Variants in LRP1B observed in about 807,000 individuals in gnomAD.
The protein encoded by LRP1B is low-density lipoprotein receptor-related protein 1B.
Under a neutral mutation model 556.6 loss-of-function variants are expected in LRP1B, and 217 were observed. The ratio of observed to expected loss-of-function variants is 0.39; its 90% CI spans 0.35 to 0.44. The LOEUF (loss-of-function observed/expected upper bound fraction) is 0.44, where lower values mean the gene tolerates loss of function less well. Ranked by LOEUF, LRP1B falls within the 20% of genes least tolerant of loss-of-function variation. LRP1B has a pLI of 1.00. For synonymous variants in LRP1B, 2,047 were observed against 1,865.8 expected, an observed-to-expected ratio of 1.10 and a Z score of -2.50; for missense variants, 5,053 against 5,620.8, an observed-to-expected ratio of 0.90 and a Z score of 3.23.
chr2:140,650,307 ATT>A (rs1171957297), intron 41 of LRP1B, among the ~76,000 whole-genome samples: 2 of 139,082 alleles, frequency 1.4e-5, no homozygotes, highest in Non-Finnish European at 3.1e-5. Flanking sequence ...CTTTATTTTT[ATT>A]TTTATTTATT....
At chr2:140,672,482 T>TAAAAAAAA (rs55884730) in intron 41 of LRP1B, among the ~76,000 whole-genome samples, 9 of 81,574 alleles carry the variant, frequency 1.1e-4, no homozygotes, top group African/African-American at 4.4e-4. Flanking sequence ...AGACTCCATC[T>TAAAAAAAA]AAAAAAAAAA....
At chr2:141,572,558 C>T (rs1344212201) in intron 2 of LRP1B, among the ~76,000 whole-genome samples, 1 of 152,100 alleles carries the variant, frequency 6.6e-6, no homozygotes, top group Non-Finnish European at 1.5e-5. Flanking sequence ...AGCATAATGA[C>T]AGGATCAAGT....
At chr2:141,796,551 A>G (rs1394303095) in intron 2 of LRP1B, among the ~76,000 whole-genome samples, 1 of 149,902 alleles carries the variant, frequency 6.7e-6, no homozygotes, top group Non-Finnish European at 1.5e-5. Context: ...TTCAATTTCA[A>G]TCTGAACATA....
intron 41 of LRP1B, among the ~76,000 whole-genome samples, chr2:140,655,057 C>T (rs1684830568): frequency 7.0e-6 from 1 of 141,918 alleles, no homozygotes; most frequent in Non-Finnish European, 1.6e-5. Flanking sequence ...TCTCCTAGCT[C>T]TCTAAAAATT....
chr2:141,666,544 CA>C (rs1690444378), intron 2 of LRP1B, among the ~76,000 whole-genome samples: 2 of 152,126 alleles, frequency 1.3e-5, no homozygotes, highest in African/African-American at 4.8e-5. Flanking sequence ...TTTAATCTAC[CA>C]ATATACCTCC....
At chr2:140,839,801 T>C (rs1692041493) in intron 31 of LRP1B, among the ~76,000 whole-genome samples, 190 bp downstream of exon 31, 1 of 152,214 alleles carries the variant, frequency 6.6e-6, no homozygotes. Context: ...CTATTAGTTC[T>C]GTCCCTTTAG....
chr2:142,130,823 G>T lies in LRP1B; in HGVS notation c.-94C>A. 1 of 921,632 alleles carries T rather than the reference G, an allele frequency of 1.1e-6. No homozygotes were observed. Among genetic ancestry groups the T allele is most frequent in the Non-Finnish European group, 1.7e-6 (1 of 573,854 alleles). 57.1% of individuals were successfully genotyped at this position (921,632 alleles called of 1,614,324 possible). On this transcript the variant is annotated 5_prime_UTR_variant, in exon 1 of 91. Transcript: ENST00000389484. ...CGGCGGCAGGGGCCGCTTGGAGCCTGGAATCGAGCGGCGTCATTTACAAAT... is the reference window on the plus strand; with the variant it reads ...CGGCGGCAGGGGCCGCTTGGAGCCTTGAATCGAGCGGCGTCATTTACAAAT...
chr2:140,844,111 G>C (rs1325752976), intron 29 of LRP1B, among the ~76,000 whole-genome samples: 4 of 151,732 alleles, frequency 2.6e-5, no homozygotes, highest in Admixed American at 6.6e-5. Flanking sequence ...GCCCAGGCTG[G>C]AGTGCAATGG....
intron 6 of LRP1B, among the ~76,000 whole-genome samples, chr2:141,196,807 G>A (rs560522726): frequency 1.3e-5 from 2 of 152,140 alleles, no homozygotes; most frequent in Non-Finnish European, 2.9e-5. Flanking sequence ...CCTTCGCCAT[G>A]GTTTGGGGGC....
intron 2 of LRP1B, among the ~76,000 whole-genome samples, chr2:141,593,243 A>T (rs933577979): frequency 9.9e-5 from 15 of 152,180 alleles, no homozygotes; most frequent in African/African-American, 3.4e-4. Context: ...ACCTGGACCC[A>T]TGAAAGATAA....
chr2:141,389,457 G>A (rs754361056), intron 3 of LRP1B, among the ~76,000 whole-genome samples: 6 of 152,054 alleles, frequency 3.9e-5, no homozygotes, highest in South Asian at 2.1e-4. Flanking sequence ...CACACCATAC[G>A]CAAAAATTAA....
At chr2:140,657,576 C>CATACATAT (rs1164589331) in intron 41 of LRP1B, among the ~76,000 whole-genome samples, 3 of 47,514 alleles carry the variant, frequency 6.3e-5, no homozygotes, top group African/African-American at 1.2e-4. Context: ...CACATACATA[C>CATACATAT]ATATATATAC....
intron 3 of LRP1B, among the ~76,000 whole-genome samples, chr2:141,294,713 C>A (rs1229804716): frequency 6.8e-6 from 1 of 146,770 alleles, no homozygotes; most frequent in South Asian, 2.2e-4. Flanking sequence ...GCATGCCAGC[C>A]TGGTTGACAG....
intron 18 of LRP1B, among the ~76,000 whole-genome samples, chr2:140,973,052 TTA>T (rs200336213): frequency 0.17 from 22,995 of 138,326 alleles, 1,927 homozygotes; most frequent in Middle Eastern, 0.24. Flanking sequence ...ATATTTCATT[TTA>T]TATATATATA....
At chr2:141,155,437 G>T (rs191408367) in intron 7 of LRP1B, among the ~76,000 whole-genome samples, 1 of 150,548 alleles carries the variant, frequency 6.6e-6, no homozygotes, top group African/African-American at 2.4e-5. Context: ...TGAACAAGGG[G>T]GTACACTTCT....
chr2:141,416,249 G>C (rs1241985133), intron 3 of LRP1B, among the ~76,000 whole-genome samples: 2 of 152,128 alleles, frequency 1.3e-5, no homozygotes, highest in Admixed American at 1.3e-4. Context: ...ACATGAGGTT[G>C]CCTGAGGTAA....
chr2:142,125,025 G>A (rs896660283), intron 1 of LRP1B, among the ~76,000 whole-genome samples: 5 of 151,740 alleles, frequency 3.3e-5, no homozygotes, highest in Admixed American at 1.3e-4. Context: ...AGCCTAAATA[G>A]AAAGGATGGA....
Position 142,060,526 on chromosome 2 carries a change from T to A in LRP1B, c.82+70122A>T, listed in dbSNP as rs1416818720. Among the ~76,000 whole-genome samples, 4 of 152,168 alleles carry A rather than the reference T, an allele frequency of 2.6e-5. No individual in the cohort carries two copies. In the East Asian group the frequency reaches 5.8e-4, roughly 22 times the overall value. ...TATGTCAAAGATGTTTAAGACCTGGTATAGGTTGGATTTATTTCTGGATTA... is the reference window on the plus strand; with the variant it reads ...TATGTCAAAGATGTTTAAGACCTGGAATAGGTTGGATTTATTTCTGGATTA... On this transcript the variant is annotated intron_variant, in intron 1 of 90. Coordinates refer to ENST00000389484, the MANE Select transcript of LRP1B (RefSeq NM_018557.3).
chr2:141,117,988 C>A (rs1447668108), intron 7 of LRP1B, among the ~76,000 whole-genome samples: 1 of 151,848 alleles, frequency 6.6e-6, no homozygotes, highest in African/African-American at 2.4e-5. Flanking sequence ...TACTTGAGTG[C>A]AGGAACTAAA....
Sources: gnomAD v4.1 joint callset for allele counts (sites outside exome capture counted in the v4.1 genomes callset) on GRCh38, gnomAD v4.1.1 for gene constraint, MANE v1.5 for transcripts, NCBI Gene and HGNC (gene_info 2026-07-23, HGNC 2026-07-21) for gene names.